DKK3: variants seen among roughly 807,000 people sequenced by gnomAD.
DKK3 encodes dickkopf Wnt signaling pathway inhibitor 3, also known as dickkopf-related protein 3.
A neutral mutation model predicts 33.2 loss-of-function variants in DKK3; 22 were observed. That is an observed-to-expected ratio of 0.66 (90% CI 0.47 to 0.95). The LOEUF is 0.95. Among genes scored for constraint, DKK3 ranks in the 40% least tolerant of loss-of-function variants. The probability of loss-of-function intolerance (pLI) is 0.00; values close to 1 mark genes in which losing one functional copy is unlikely to be tolerated. For missense variants in DKK3, 398 were observed against 458.4 expected (o/e 0.87, Z 1.20); for synonymous variants, 194 against 188.8 (o/e 1.03, Z -0.23).
At position 11,976,261 on chromosome 11, in the gene DKK3, G is replaced by C. The variant is rs77723731; in HGVS notation, c.436-7774C>G. Reference sequence around the variant, plus strand: ...CCCTCTGCTCTGGAGGGGAAGACAAGAAGAAGGAGGACAGTTGCAATGGAA... The same window carrying C: ...CCCTCTGCTCTGGAGGGGAAGACAACAAGAAGGAGGACAGTTGCAATGGAA... On this transcript the variant is annotated intron_variant, in intron 3 of 6. Transcript: ENST00000683431. Among the ~76,000 whole-genome samples, 957 of 152,340 alleles carry C rather than the reference G, an allele frequency of 6.3e-3. 11 individuals carry two copies. The highest frequency in any genetic ancestry group is 0.022 in the African/African-American group (911 of 41,590).
At position 11,965,896 on chromosome 11, in the gene DKK3, A is replaced by G. The variant is rs1564905384; in HGVS notation, c.743T>C (p.Leu248Pro). 6.2e-7 allele frequency: 1 copy of G among 1,614,158 alleles called. No individual in the cohort carries two copies. The highest frequency in any genetic ancestry group is 2.2e-5 in the East Asian group (1 of 44,872). ...TAGCTCCCAGGTGATGAGGTCCAGA[A>G]GCCGGCTGGCGGGGTCATGGCAAAG... ...GELCHDPASRLLDLITWELEP... is the reference protein window; with the variant it reads ...GELCHDPASRPLDLITWELEP... The change falls in exon 6 of 7, where the codon CTT (leucine) becomes CCT (proline). Residue 248 changes from leucine (L) to proline (P), a missense_variant. Leu to Pro is a moderately conservative substitution (Grantham distance 98). Coordinates refer to ENST00000683431, the MANE Select transcript of DKK3 (RefSeq NM_001018057.2).
intron 2 of DKK3, chr11:12,001,940 C>T (rs2133330307): frequency 5.8e-6 from 1 of 173,180 alleles, no homozygotes; most frequent in Non-Finnish European, 1.2e-5. Context: ...CTGAGACATA[C>T]ATAAAAACCT....
intron 5 of DKK3, among the ~76,000 whole-genome samples, chr11:11,966,484 C>T (rs1367107307): frequency 7.2e-5 from 11 of 152,100 alleles, no homozygotes; most frequent in Admixed American, 1.3e-4. Flanking sequence ...AGGAAGATCA[C>T]GGAGGCGGCA....
At chr11:11,984,002 A>C (rs539484743) in intron 3 of DKK3, among the ~76,000 whole-genome samples, 2 of 152,250 alleles carry the variant, frequency 1.3e-5, no homozygotes. Flanking sequence ...AATGAAGGCA[A>C]CAGACAGATC....
chr11:11,995,743 G>A (rs777422438), intron 3 of DKK3, among the ~76,000 whole-genome samples: 26 of 152,186 alleles, frequency 1.7e-4, no homozygotes, highest in Non-Finnish European at 3.7e-4. Context: ...GCATCAGTGC[G>A]TCTGCCACTG....
chr11:12,006,566 A>G (rs1272420479), intron 1 of DKK3, among the ~76,000 whole-genome samples: 2 of 151,958 alleles, frequency 1.3e-5, no homozygotes, highest in African/African-American at 4.8e-5. Context: ...GACAGCCCAC[A>G]TCTCCTCTGG....
At chr11:12,003,214 G>C (rs907523029) in intron 1 of DKK3, among the ~76,000 whole-genome samples, 2 of 152,160 alleles carry the variant, frequency 1.3e-5, no homozygotes, top group African/African-American at 4.8e-5. Flanking sequence ...AGGACCTGTT[G>C]TTGGTGGTGG....
chr11:11,986,049 T>G (rs2135055533), intron 3 of DKK3, among the ~76,000 whole-genome samples: 1 of 152,248 alleles, frequency 6.6e-6, no homozygotes, highest in South Asian at 2.1e-4. Flanking sequence ...GGGCTGAGCC[T>G]AAGTTCTGCT....
chr11:12,006,838 C>T (rs1025374459), intron 1 of DKK3, among the ~76,000 whole-genome samples: 1 of 152,200 alleles, frequency 6.6e-6, no homozygotes, highest in African/African-American at 2.4e-5. Flanking sequence ...GTGACTTAGT[C>T]AGTCTTACCG....
In DKK3 at chr11:11,968,405, C is replaced by T. The variant is rs1000579917; in HGVS notation, c.518G>A (p.Gly173Asp). 4.3e-6 allele frequency: 7 copies of T among 1,612,530 alleles called. No individual in the cohort carries two copies. The highest frequency in any genetic ancestry group is 5.9e-6 in the Non-Finnish European group (7 of 1,179,228). The change falls in exon 4 of 7, where the codon GGC (glycine) becomes GAC (aspartate). Residue 173 changes from glycine to aspartate, a missense_variant. Physicochemically the swap from Gly to Asp is moderately conservative, Grantham distance 94. Transcript: ENST00000683431. Reference protein sequence around the residue: ...SFQYTCQPCRGQRMLCTRDSE... With the variant: ...SFQYTCQPCRDQRMLCTRDSE... ...CCCTGGCATACTCACCATCCTCTGG[C>T]CCCGGCATGGCTGGCAGGTGTACTG...
In DKK3 at chr11:12,002,437, T is replaced by C; in HGVS notation, c.214A>G (p.Met72Val). The C allele has an allele frequency of 1.2e-6, 2 of 1,612,044 alleles. No homozygotes were observed. Among genetic ancestry groups the C allele is most frequent in the South Asian group, 2.2e-5 (2 of 90,930 alleles). ...QHKLRSAVEE[M>V]EAEEAAAKAS... ...TTAGCAGCAGCTTCTTCTGCCTCCATCTATTAAATCGATGAATTTAATGAG... is the reference window on the plus strand; with the variant it reads ...TTAGCAGCAGCTTCTTCTGCCTCCACCTATTAAATCGATGAATTTAATGAG... The change falls in exon 2 of 7, where the codon ATG becomes GTG. Residue 72 changes from methionine to valine, a missense_variant and splice_region_variant. By Grantham distance (21) the Met-to-Val change is conservative (BLOSUM62 1). Coordinates refer to ENST00000683431, the MANE Select transcript of DKK3 (RefSeq NM_001018057.2).
At chr11:11,968,527 C>T in intron 3 of DKK3, 40 bp from the exon 4 acceptor site, 1 of 1,582,288 alleles carries the variant, frequency 6.3e-7, no homozygotes, top group Non-Finnish European at 8.6e-7. Flanking sequence ...CAATGGAGAG[C>T]AGAGCAGCAG....
At chr11:12,008,716 G>A (rs1848597965), upstream of DKK3, 1 of 1,056,982 alleles carries the variant, frequency 9.5e-7, no homozygotes, top group Non-Finnish European at 1.1e-6. The surrounding 1 kb of genome is among the most constrained non-coding windows in gnomAD (Gnocchi z 4.6). Flanking sequence ...CCTCTTTCCC[G>A]CACCCGCCCG....
chr11:11,983,297 T>A (rs1196581655), intron 3 of DKK3, among the ~76,000 whole-genome samples: 1 of 152,200 alleles, frequency 6.6e-6, no homozygotes, highest in Non-Finnish European at 1.5e-5. Flanking sequence ...AGATAGCACC[T>A]ATGCAAGAGC....
chr11:11,966,567 G>T (rs571519801), intron 5 of DKK3, among the ~76,000 whole-genome samples: 1 of 152,146 alleles, frequency 6.6e-6, no homozygotes, highest in South Asian at 2.1e-4. Flanking sequence ...CAAAACCCTA[G>T]TGGGGGCGGA....
intron 3 of DKK3, among the ~76,000 whole-genome samples, chr11:11,977,831 C>G (rs1228052485): frequency 6.6e-6 from 1 of 152,164 alleles, no homozygotes; most frequent in Non-Finnish European, 1.5e-5. Context: ...GCTCCTTATT[C>G]CACTTGCATG....
chr11:11,999,252 G>T, intron 2 of DKK3, among the ~76,000 whole-genome samples: 1 of 152,170 alleles, frequency 6.6e-6, no homozygotes, highest in East Asian at 1.9e-4. Flanking sequence ...CATCAAGAAA[G>T]TGCTTAAGTA....
intron 3 of DKK3, among the ~76,000 whole-genome samples, chr11:11,972,693 A>G (rs1251100801): frequency 6.6e-6 from 1 of 152,244 alleles, no homozygotes; most frequent in Non-Finnish European, 1.5e-5. Flanking sequence ...AAGCACAGAC[A>G]GGCCCTGAGC....
Position 11,998,660 on chromosome 11 carries a change from T to G in DKK3, c.435+36A>C, listed in dbSNP as rs199657902. On this transcript the variant is annotated intron_variant, in intron 3 of 6. Transcript: ENST00000683431. ...AACTGAATGAAAATGAAAGTGAGTG[T>G]GTCGGGGTGCAAGTACAGGGGAAAT... 1.7e-4 allele frequency: 270 copies of G among 1,568,540 alleles called. 1 individual carries two copies. Among genetic ancestry groups the G allele is most frequent in the Admixed American group, 3.0e-4 (18 of 59,956 alleles).
Sources: gnomAD v4.1 joint callset for allele counts (sites outside exome capture counted in the v4.1 genomes callset) on GRCh38, gnomAD v4.1.1 for gene constraint, Gnocchi (gnomAD v3.1) non-coding constraint, MANE v1.5 for transcripts, NCBI Gene and HGNC (gene_info 2026-07-23, HGNC 2026-07-21) for gene names.